BNC2: variants seen among roughly 807,000 people sequenced by gnomAD.
BNC2 encodes basonuclin zinc finger protein 2, also known as zinc finger protein basonuclin-2.
A neutral mutation model predicts 76.3 loss-of-function variants in BNC2; 20 were observed. The observed-to-expected ratio is 0.26, with a 90% confidence interval of 0.18 to 0.38. BNC2 has a LOEUF of 0.38. Ranked by LOEUF, BNC2 falls within the 10% of genes least tolerant of loss-of-function variation. BNC2 has a pLI of 1.00. For missense variants in BNC2, 1,382 were observed against 1,399.8 expected (o/e 0.99, Z 0.20); for synonymous variants, 582 against 514.8 (o/e 1.13, Z -1.77).
At chr9:16,687,412 G>A (rs888907051) in intron 3 of BNC2, among the ~76,000 whole-genome samples, 1 of 152,136 alleles carries the variant, frequency 6.6e-6, no homozygotes, top group African/African-American at 2.4e-5. Flanking sequence ...AGAAAGAAAT[G>A]CAGCAGGGAG....
intron 1 of BNC2, among the ~76,000 whole-genome samples, chr9:16,795,508 G>C (rs566669276): frequency 6.6e-6 from 1 of 151,916 alleles, no homozygotes; most frequent in African/African-American, 2.4e-5. Flanking sequence ...AAGGCCAGAC[G>C]GCCATGCAAT....
At chr9:16,797,077 G>A (rs1817675729) in intron 1 of BNC2, among the ~76,000 whole-genome samples, 1 of 152,136 alleles carries the variant, frequency 6.6e-6, no homozygotes, top group Non-Finnish European at 1.5e-5. Context: ...AAATGATGAT[G>A]ATGACAATAA....
At chr9:16,587,010 T>C in intron 3 of BNC2, among the ~76,000 whole-genome samples, 1 of 152,184 alleles carries the variant, frequency 6.6e-6, no homozygotes, top group Middle Eastern at 3.2e-3. Context: ...CCAGACACTG[T>C]GCTACAGAGT....
rs1395145353 is a variant in BNC2 at position 16,436,890 on chromosome 9, G to T, written c.1304C>A (p.Ala435Asp). The T allele has an allele frequency of 1.9e-6, 3 of 1,614,100 alleles. No homozygotes were observed. Among genetic ancestry groups the T allele is most frequent in the Non-Finnish European group, 2.5e-6 (3 of 1,180,020 alleles). ...ACAGAACACTCTTCCTTTCCTAGAG[G>T]CTGACCCCATCCTTCTCATCCGATG... ...RIHRMRRMGS[A>D]SRKGRVFCNA... Residue 435 changes from alanine (A) to aspartate (D), a missense_variant, in exon 6 of 7, where the codon GCC (alanine) becomes GAC (aspartate). Physicochemically the swap from Ala to Asp is moderately radical, Grantham distance 126 (BLOSUM62 -2). This residue lies in a region of BNC2 where 557 missense variants were observed against 540.9 expected (regional missense o/e 1.03). Coordinates refer to ENST00000380672, the MANE Select transcript of BNC2 (RefSeq NM_017637.6).
chr9:16,748,703 C>T (rs1365505753), intron 1 of BNC2, among the ~76,000 whole-genome samples: 17 of 151,138 alleles, frequency 1.1e-4, no homozygotes, highest in Non-Finnish European at 2.9e-5. Flanking sequence ...ATTAGCCAGG[C>T]ATGGTGGCAG....
chr9:16,754,119 G>A (rs1279691682), intron 1 of BNC2, among the ~76,000 whole-genome samples: 1 of 152,188 alleles, frequency 6.6e-6, no homozygotes, highest in African/African-American at 2.4e-5. Flanking sequence ...AACTGTCTAA[G>A]ATAAACTCAT....
intron 4 of BNC2, among the ~76,000 whole-genome samples, chr9:16,560,377 T>C (rs919850837): frequency 3.3e-5 from 5 of 152,208 alleles, no homozygotes; most frequent in Admixed American, 2.6e-4. Context: ...CTTATAATTT[T>C]ATTTCTTGTT....
chr9:16,690,411 T>C (rs1472719182), intron 3 of BNC2, among the ~76,000 whole-genome samples: 3 of 152,054 alleles, frequency 2.0e-5, no homozygotes, highest in African/African-American at 7.2e-5. Flanking sequence ...GAGCCGTGAG[T>C]GTGCCACTGC....
chr9:16,728,134 T>C, intron 2 of BNC2, 137 bp from the exon 3 acceptor site: 1 of 783,318 alleles, frequency 1.3e-6, no homozygotes, highest in Non-Finnish European at 2.3e-6. Context: ...AGAGCTTCTT[T>C]CGCACCTTCT....
intron 5 of BNC2, among the ~76,000 whole-genome samples, chr9:16,550,229 T>C (rs1818616426): frequency 6.6e-6 from 1 of 152,046 alleles, no homozygotes; most frequent in African/African-American, 2.4e-5. Context: ...CAACACAAAT[T>C]TGTAAACTTT....
intron 1 of BNC2, among the ~76,000 whole-genome samples, chr9:16,865,764 A>T (rs976869862): frequency 6.6e-5 from 10 of 152,188 alleles, no homozygotes; most frequent in Admixed American, 6.5e-4. Flanking sequence ...TTAAAGAATG[A>T]TATATCTGTA....
chr9:16,663,993 C>G (rs1822190204), intron 3 of BNC2, among the ~76,000 whole-genome samples: 1 of 152,110 alleles, frequency 6.6e-6, no homozygotes, highest in Non-Finnish European at 1.5e-5. Context: ...AAGGGCTAAC[C>G]CAACTAACGT....
intron 4 of BNC2, among the ~76,000 whole-genome samples, chr9:16,553,281 G>A (rs994509736): frequency 1.3e-5 from 2 of 152,152 alleles, no homozygotes; most frequent in African/African-American, 4.8e-5. Flanking sequence ...TTAGACGACA[G>A]GGGTGAAAGA....
At chr9:16,747,584 T>C (rs1038991601) in intron 1 of BNC2, among the ~76,000 whole-genome samples, 1 of 152,208 alleles carries the variant, frequency 6.6e-6, no homozygotes, top group African/African-American at 2.4e-5. Flanking sequence ...TTGGCCGAAG[T>C]CTTATATTAA....
At chr9:16,660,397 T>A (rs904559459) in intron 3 of BNC2, among the ~76,000 whole-genome samples, 1 of 150,478 alleles carries the variant, frequency 6.6e-6, no homozygotes, top group East Asian at 2.0e-4. Flanking sequence ...GAAGTTGCAG[T>A]GAGCTGAGAT....
intron 5 of BNC2, among the ~76,000 whole-genome samples, chr9:16,482,891 G>A (rs775845345): frequency 2.6e-5 from 4 of 152,164 alleles, no homozygotes; most frequent in Non-Finnish European, 1.5e-5. Flanking sequence ...GGGGCTTTCC[G>A]TGGCCAGCCC....
chr9:16,462,446 G>C (rs952981368), intron 5 of BNC2, among the ~76,000 whole-genome samples: 9 of 152,110 alleles, frequency 5.9e-5, no homozygotes, highest in African/African-American at 2.2e-4. Flanking sequence ...GTGTAAACTG[G>C]TGTAAAGTGG....
At chr9:16,698,115 G>A (rs980067188) in intron 3 of BNC2, among the ~76,000 whole-genome samples, 9 of 152,088 alleles carry the variant, frequency 5.9e-5, no homozygotes, top group African/African-American at 2.2e-4. Flanking sequence ...CAGGGGCTTG[G>A]TCCTACAAAA....
At chr9:16,744,939 G>A (rs1192199280) in intron 1 of BNC2, among the ~76,000 whole-genome samples, 7 of 152,180 alleles carry the variant, frequency 4.6e-5, no homozygotes, top group Non-Finnish European at 1.0e-4. Flanking sequence ...TACATTTTGT[G>A]TGTGTGCTTA....
Sources: allele counts gnomAD v4.1 joint callset (sites outside exome capture counted in the v4.1 genomes callset), GRCh38; gene constraint gnomAD v4.1.1; regional missense constraint gnomAD v4.1.1; transcripts MANE v1.5; gene names NCBI Gene and HGNC (gene_info 2026-07-23, HGNC 2026-07-21).